The following CPLX1 variants were observed in gnomAD, a reference collection of about 807,000 sequenced individuals.
CPLX1 encodes complexin-1.
A neutral mutation model predicts 15.6 loss-of-function variants in CPLX1; 6 were observed. The observed-to-expected ratio is 0.39, with a 90% confidence interval of 0.21 to 0.76. The LOEUF is 0.76. Among genes scored for constraint, CPLX1 ranks in the 30% least tolerant of loss-of-function variants. The pLI, the probability that CPLX1 is intolerant of heterozygous loss-of-function variation, is 0.43. For synonymous variants in CPLX1, 91 were observed against 75.2 expected (o/e 1.21, Z -1.08); for missense variants, 242 against 188.6 (o/e 1.28, Z -1.66).
intron 2 of CPLX1, among the ~76,000 whole-genome samples, chr4:814,548 C>T (rs1358123809): frequency 2.0e-5 from 3 of 152,174 alleles, no homozygotes; most frequent in Admixed American, 1.3e-4. Flanking sequence ...TCATGCGACC[C>T]GGAGATGGAG....
chr4:787,771 A>C, intron 3 of CPLX1: 1 of 985,082 alleles, frequency 1.0e-6, no homozygotes, highest in Non-Finnish European at 1.2e-6. Context: ...TCCCCACGCC[A>C]CACTCCTCCA....
intron 3 of CPLX1, among the ~76,000 whole-genome samples, chr4:792,149 G>GCAGC (rs961651046): frequency 5.3e-5 from 8 of 152,312 alleles, no homozygotes; most frequent in African/African-American, 1.9e-4. Flanking sequence ...AGGGCCCCAG[G>GCAGC]CAGCCAGCCA....
At chr4:801,096 C>T (rs984712104) in intron 2 of CPLX1, among the ~76,000 whole-genome samples, 4 of 150,794 alleles carry the variant, frequency 2.7e-5, no homozygotes, top group South Asian at 2.1e-4. Flanking sequence ...GGGCAGATCA[C>T]GAGGTCAGGA....
intron 3 of CPLX1, chr4:787,177 G>A: frequency 4.1e-6 from 4 of 985,352 alleles, no homozygotes; most frequent in Non-Finnish European, 4.8e-6. Flanking sequence ...GCCTGGATGC[G>A]GCCGCGGCCC....
rs1560244435 is a variant in CPLX1, at chr4:810,112, T to TGC, written c.31+14379_31+14380insGC. ...TTGCCCAGGCTGGAGTGCAGTGGCA[T>TGC]GATCTCAGCTCACTGCAAGCTCCGC... is the stretch of plus-strand genomic sequence containing the variant. On this transcript the variant is annotated intron_variant, in intron 2 of 3. Coordinates refer to ENST00000304062, the MANE Select transcript of CPLX1 (RefSeq NM_006651.4). Among the ~76,000 whole-genome samples, 12 of 148,762 alleles carry TGC rather than the reference T, an allele frequency of 8.1e-5. No individual in the cohort carries two copies. In the East Asian group the frequency reaches 1.8e-3, roughly 22 times the overall value.
At chr4:825,843 G>A (rs1170285028) in intron 1 of CPLX1, among the ~76,000 whole-genome samples, 13 of 125,128 alleles carry the variant, frequency 1.0e-4, no homozygotes, top group Admixed American at 8.4e-4. Context: ...AGCCGGAGCC[G>A]GGGAGGAGAG....
chr4:812,407 G>T (rs1267845948), intron 2 of CPLX1, among the ~76,000 whole-genome samples: 1 of 152,078 alleles, frequency 6.6e-6, no homozygotes, highest in Non-Finnish European at 1.5e-5. Flanking sequence ...TGGGTTTCTT[G>T]TATGTAGCAC....
chr4:794,824 A>C (rs1746285943), intron 2 of CPLX1, among the ~76,000 whole-genome samples: 1 of 152,148 alleles, frequency 6.6e-6, no homozygotes, highest in Admixed American at 6.5e-5. Flanking sequence ...GGGCTTCTGC[A>C]GCTCAGTGGG....
At chr4:800,614 T>C (rs1746433203) in intron 2 of CPLX1, among the ~76,000 whole-genome samples, 1 of 126,612 alleles carries the variant, frequency 7.9e-6, no homozygotes, top group Admixed American at 8.4e-5. Context: ...TAGCCAGACA[T>C]GGTGACGGGC....
intron 1 of CPLX1, among the ~76,000 whole-genome samples, chr4:825,823 CG>C (rs1428961996): frequency 1.5e-5 from 1 of 67,980 alleles, no homozygotes; most frequent in East Asian, 4.9e-4. Context: ...AGGCCGGAGC[CG>C]GGGGGAGAAG....
intron 3 of CPLX1, among the ~76,000 whole-genome samples, chr4:788,976 G>A (rs1196349881): frequency 2.0e-5 from 3 of 152,230 alleles, no homozygotes; most frequent in Non-Finnish European, 2.9e-5. Flanking sequence ...GTCTGCAAAC[G>A]GTGTGGGATC....
intron 2 of CPLX1, among the ~76,000 whole-genome samples, chr4:819,436 AAGTG>A (rs1441379101): frequency 4.6e-5 from 7 of 152,386 alleles, no homozygotes; most frequent in East Asian, 1.9e-4. Flanking sequence ...GAACCCAGCA[AAGTG>A]AGTGAGTGCT....
At chr4:793,229 C>G (rs1746237516) in intron 2 of CPLX1, among the ~76,000 whole-genome samples, 1 of 152,106 alleles carries the variant, frequency 6.6e-6, no homozygotes, top group African/African-American at 2.4e-5. Flanking sequence ...GGCTGGCTGT[C>G]AGAGGCAAGG....
intron 3 of CPLX1, chr4:787,679 AGT>A: frequency 1.0e-6 from 1 of 984,582 alleles, no homozygotes; most frequent in Non-Finnish European, 1.2e-6. Context: ...CTCCAGAGGG[AGT>A]GTGGGATTTT....
chr4:809,068 G>C (rs1350719214), intron 2 of CPLX1, among the ~76,000 whole-genome samples: 1 of 152,278 alleles, frequency 6.6e-6, no homozygotes, highest in Non-Finnish European at 1.5e-5. Flanking sequence ...CTGGGCCAGA[G>C]CGGGAGGAGA....
At chr4:804,627 G>T in intron 2 of CPLX1, 1 of 542,614 alleles carries the variant, frequency 1.8e-6, no homozygotes, top group Non-Finnish European at 2.4e-6. Context: ...ATGTAATCCG[G>T]ATCGCACCTT....
chr4:806,614 G>A (rs1473249871), intron 2 of CPLX1, among the ~76,000 whole-genome samples: 1 of 152,170 alleles, frequency 6.6e-6, no homozygotes, highest in Non-Finnish European at 1.5e-5. Flanking sequence ...ACAACCTACA[G>A]AATTGGAGAA....
intron 2 of CPLX1, among the ~76,000 whole-genome samples, chr4:812,000 A>G (rs937958625): frequency 3.3e-5 from 5 of 152,134 alleles, no homozygotes; most frequent in Non-Finnish European, 7.3e-5. Flanking sequence ...CCTTGGTCTT[A>G]TATTAATATA....
intron 2 of CPLX1, among the ~76,000 whole-genome samples, chr4:813,685 C>T (rs1746701060): frequency 2.0e-5 from 3 of 152,162 alleles, no homozygotes; most frequent in Admixed American, 2.0e-4. Context: ...CCCTACAGAG[C>T]CCTCACTCAA....
Sources: allele counts gnomAD v4.1 joint callset (sites outside exome capture counted in the v4.1 genomes callset), GRCh38; gene constraint gnomAD v4.1.1; transcripts MANE v1.5; gene names NCBI Gene and HGNC (gene_info 2026-07-23, HGNC 2026-07-21).